The following CNTNAP5 variants were observed in gnomAD, a reference collection of about 807,000 sequenced individuals.
CNTNAP5 encodes contactin-associated protein-like 5.
CNTNAP5 carries 72 observed loss-of-function variants against 150.2 expected under a neutral mutation model. That is an observed-to-expected ratio of 0.48 (90% CI 0.40 to 0.58). CNTNAP5 has a LOEUF of 0.58. Among genes scored for constraint, CNTNAP5 ranks in the 20% least tolerant of loss-of-function variants. The pLI is 0.00. For synonymous variants in CNTNAP5, 672 were observed against 619.8 expected (o/e 1.08, Z -1.25); for missense variants, 1,636 against 1,626.2 (o/e 1.01, Z -0.10).
chr2:124,464,754 A>T (rs1693337788), intron 6 of CNTNAP5, among the ~76,000 whole-genome samples: 2 of 152,184 alleles, frequency 1.3e-5, no homozygotes, highest in African/African-American at 4.8e-5. Context: ...CCTCATTTGT[A>T]ATGGCAGAAA....
At chr2:124,248,114 G>C (rs1203504695) in intron 3 of CNTNAP5, among the ~76,000 whole-genome samples, 1 of 152,156 alleles carries the variant, frequency 6.6e-6, no homozygotes, top group Non-Finnish European at 1.5e-5. Context: ...CAGAAATAAA[G>C]TATAGAGGGA....
chr2:124,242,588 G>A (rs199782559), intron 3 of CNTNAP5, 195 bp downstream of exon 3: 2 of 89,412 alleles, frequency 2.2e-5, no homozygotes, highest in South Asian at 1.5e-4. Context: ...GATGTCTGTC[G>A]CAAATAGTTT....
intron 9 of CNTNAP5, 77 bp from the exon 10 acceptor site, chr2:124,527,208 G>A: frequency 7.8e-7 from 1 of 1,279,824 alleles, no homozygotes; most frequent in Non-Finnish European, 1.1e-6. Context: ...AGACCTCAAG[G>A]TCTTCCATCA....
intron 7 of CNTNAP5, among the ~76,000 whole-genome samples, chr2:124,488,847 A>G (rs1294372250): frequency 6.6e-6 from 1 of 152,174 alleles, no homozygotes. Context: ...CTCCATATAC[A>G]CTTAAGAGAT....
chr2:124,812,477 C>G (rs1177713200), intron 19 of CNTNAP5, among the ~76,000 whole-genome samples: 1 of 151,974 alleles, frequency 6.6e-6, no homozygotes, highest in Admixed American at 6.6e-5. Context: ...GCATTATACC[C>G]TCCCCACTTT....
intron 7 of CNTNAP5, among the ~76,000 whole-genome samples, chr2:124,488,049 A>G (rs1054224919): frequency 2.0e-5 from 3 of 152,208 alleles, no homozygotes; most frequent in African/African-American, 7.2e-5. Context: ...GCTAATAAAT[A>G]TCTTGTAAAT....
In CNTNAP5 at chr2:124,674,048, C is replaced by T. The variant is rs190832420; in HGVS notation, c.2077+26090C>T. Among the ~76,000 whole-genome samples, 20 of 152,132 alleles carry T rather than the reference C, an allele frequency of 1.3e-4. No individual in the cohort carries two copies. The East Asian group carries it at 3.7e-3, about 28-fold the overall frequency. On this transcript the variant is annotated intron_variant, in intron 13 of 23. Transcript: ENST00000682447. ...ACCTTGCCGCATTCACCACAATGTC[C>T]CAAACCCAGCAGTGATATATCCTCT...
chr2:124,482,843 C>T (rs1693792194), intron 7 of CNTNAP5, among the ~76,000 whole-genome samples: 1 of 152,210 alleles, frequency 6.6e-6, no homozygotes, highest in Non-Finnish European at 1.5e-5. Context: ...TCCCCAGAAA[C>T]TCAGCCCTTT....
chr2:124,891,388 T>G (rs1217023295), intron 21 of CNTNAP5, among the ~76,000 whole-genome samples: 2 of 152,056 alleles, frequency 1.3e-5, no homozygotes, highest in Non-Finnish European at 2.9e-5. Flanking sequence ...TGTGTTCTAG[T>G]GGAGAAAGCA....
intron 1 of CNTNAP5, among the ~76,000 whole-genome samples, chr2:124,126,089 C>T (rs1353776521): frequency 6.6e-6 from 1 of 152,058 alleles, no homozygotes; most frequent in East Asian, 1.9e-4. Flanking sequence ...GAGATAGAGA[C>T]ACAAAAAACC....
chr2:124,686,916 G>A (rs1382348506), intron 13 of CNTNAP5, among the ~76,000 whole-genome samples: 2 of 152,098 alleles, frequency 1.3e-5, no homozygotes, highest in African/African-American at 2.4e-5. Context: ...AAGCAGCACT[G>A]CCCAATAGAA....
intron 12 of CNTNAP5, among the ~76,000 whole-genome samples, chr2:124,625,261 T>C (rs1252746095): frequency 6.6e-6 from 1 of 152,212 alleles, no homozygotes. Flanking sequence ...TCATCTGTAA[T>C]GTGGGGGAAA....
chr2:124,173,175 G>C (rs1342532811), intron 1 of CNTNAP5, among the ~76,000 whole-genome samples: 1 of 152,056 alleles, frequency 6.6e-6, no homozygotes, highest in Non-Finnish European at 1.5e-5. Flanking sequence ...CTCCACTGAT[G>C]GGCCATTCCC....
At chr2:124,127,131 C>G (rs545198523) in intron 1 of CNTNAP5, among the ~76,000 whole-genome samples, 2 of 152,164 alleles carry the variant, frequency 1.3e-5, no homozygotes, top group Non-Finnish European at 2.9e-5. Flanking sequence ...TCCCTGTTTG[C>G]AGATGACATA....
At position 124,080,168 on chromosome 2, in the gene CNTNAP5, T is replaced by G. The variant is rs1316370531; in HGVS notation, c.82+54436T>G. On this transcript the variant is annotated intron_variant, in intron 1 of 23. Coordinates refer to ENST00000682447, the MANE Select transcript of CNTNAP5 (RefSeq NM_001367498.1). The stretch of plus-strand genomic sequence containing the variant: ...AGTTAAAATAGCATTTTCCTTACAT[T>G]TATTTTGTGCTCTCTCCCAACTGCC... Among the ~76,000 whole-genome samples, 3 of 152,284 alleles carry G rather than the reference T, an allele frequency of 2.0e-5. No homozygotes were observed. In the South Asian group the frequency reaches 6.2e-4, roughly 32 times the overall value.
chr2:124,478,914 GC>G (rs1693704764), intron 7 of CNTNAP5, among the ~76,000 whole-genome samples: 1 of 152,170 alleles, frequency 6.6e-6, no homozygotes, highest in Admixed American at 6.6e-5. Context: ...CCTAACGTAT[GC>G]CTCTTTAGCA....
At chr2:124,480,616 C>G (rs1693741092) in intron 7 of CNTNAP5, among the ~76,000 whole-genome samples, 1 of 152,214 alleles carries the variant, frequency 6.6e-6, no homozygotes, top group South Asian at 2.1e-4. Context: ...AAACTCCCTA[C>G]TGTCTAGTAA....
intron 1 of CNTNAP5, among the ~76,000 whole-genome samples, chr2:124,125,796 C>T (rs143152333): frequency 0.051 from 7,722 of 152,296 alleles, 291 homozygotes; most frequent in South Asian, 0.16. Flanking sequence ...AACTGAACAA[C>T]ATTCTCCTGA....
chr2:124,914,676 G>C lies in CNTNAP5; in HGVS notation c.*388G>C, dbSNP rs191003225. On this transcript the variant is annotated 3_prime_UTR_variant, in exon 24 of 24. Coordinates refer to ENST00000682447, the MANE Select transcript of CNTNAP5 (RefSeq NM_001367498.1). ...GAACCTGAGCTCTTAGGCACATGAC[G>C]GTCATTCCTGACATCCTCCCCAGCT... 6.3e-6 allele frequency: 1 copy of C among 159,020 alleles called. No homozygotes were observed. The highest frequency in any genetic ancestry group is 6.4e-5 in the Admixed American group (1 of 15,668). The allele number at this position is 159,020 out of a possible 1,614,324, so 9.9% of individuals were successfully genotyped here.
Sources: allele counts gnomAD v4.1 joint callset (sites outside exome capture counted in the v4.1 genomes callset), GRCh38; gene constraint gnomAD v4.1.1; transcripts MANE v1.5; gene names NCBI Gene and HGNC (gene_info 2026-07-23, HGNC 2026-07-21).